EHBP1L1: variants seen among roughly 807,000 people sequenced by gnomAD.
The protein encoded by EHBP1L1 is EH domain binding protein 1 like 1.
Under a neutral mutation model 151.1 loss-of-function variants are expected in EHBP1L1, and 122 were observed. The ratio of observed to expected loss-of-function variants is 0.81; its 90% confidence interval spans 0.70 to 0.94. The LOEUF (loss-of-function observed/expected upper bound fraction) is 0.94. EHBP1L1 is among the 40% of genes least tolerant of loss of function. The pLI is 0.00. For synonymous variants in EHBP1L1, 878 were observed against 810.1 expected, an observed-to-expected ratio of 1.08 and a Z score of -1.42; for missense variants, 1,941 against 1,959.8, an observed-to-expected ratio of 0.99 and a Z score of 0.18.
At position 65,584,249 on chromosome 11, in the gene EHBP1L1, T is replaced by A; in HGVS notation, c.3102T>A (p.Pro1034=). The A allele has an allele frequency of 6.2e-7, 1 of 1,609,160 alleles. No individual in the cohort carries two copies. Among genetic ancestry groups the A allele is most frequent in the Non-Finnish European group, 8.5e-7 (1 of 1,178,394 alleles). Reference sequence around the variant, plus strand: ...CACCCCTGTGTCCTCAGGCACCACCTGCCCTGGTCAGCTCCAGCCAGTCCC... The same window carrying A: ...CACCCCTGTGTCCTCAGGCACCACCAGCCCTGGTCAGCTCCAGCCAGTCCC... ...DRRLPGSQAP[P]ALVSSSQSLL... Residue 1034 remains proline (P), a synonymous_variant, in exon 10 of 19, where the codon CCT becomes CCA. Transcript: ENST00000309295.
chr11:65,578,682 G>A (rs942051833), intron 1 of EHBP1L1, among the ~76,000 whole-genome samples: 3 of 152,304 alleles, frequency 2.0e-5, no homozygotes, highest in Middle Eastern at 3.4e-3. Context: ...TTTATCCCTC[G>A]TCTTTGTCTC....
In EHBP1L1 at chr11:65,582,915, TATTG is replaced by T. The variant is rs1476128517; in HGVS notation, c.2244_2247del (p.Ile748MetfsTer2). ...GAAGCAGAGATAGCAGAGTCTGACA[TATTG>T]GTAGCCCAGGAGATAGAGGTGGGAC... On this transcript the variant is annotated frameshift_variant, in exon 9 of 19. Coordinates refer to ENST00000309295, the MANE Select transcript of EHBP1L1 (RefSeq NM_001099409.3). LOFTEE classifies it high-confidence loss of function. 1 of 1,613,330 alleles carries T rather than the reference TATTG, an allele frequency of 6.2e-7. No individual in the cohort carries two copies. The highest frequency in any genetic ancestry group is 2.2e-5 in the East Asian group (1 of 44,874).
rs1565125205 is a variant in EHBP1L1, at chr11:65,583,075, TG to T, written c.2408del (p.Gly803ValfsTer7). On this transcript the variant is annotated frameshift_variant, in exon 9 of 19. Coordinates refer to ENST00000309295, the MANE Select transcript of EHBP1L1 (RefSeq NM_001099409.3). LOFTEE classifies it high-confidence loss of function. ...CAACAGGGATCCAGGTGAAAGAGGT[TG>T]GGGGTTCAGAGGTTCCAGAGATAGC... ...DTTGIQVKEV[G>X]GSEVPEIATG... The T allele has an allele frequency of 3.1e-6, 5 of 1,612,232 alleles. No individual in the cohort carries two copies. Among genetic ancestry groups the T allele is most frequent in the Admixed American group, 1.7e-5 (1 of 59,896 alleles).
chr11:65,590,309 C>G, intron 15 of EHBP1L1, 99 bp downstream of exon 15: 3 of 1,550,856 alleles, frequency 1.9e-6, no homozygotes, highest in South Asian at 2.4e-5. Flanking sequence ...GGAGGAGGCA[C>G]GGCTGGCATC....
At chr11:65,583,917 C>T (rs1857786389) in intron 9 of EHBP1L1, 152 bp downstream of exon 9, 1 of 1,418,026 alleles carries the variant, frequency 7.1e-7, no homozygotes, top group Non-Finnish European at 9.2e-7. Flanking sequence ...CCTCCTCTCT[C>T]AGGATGCCCT....
chr11:65,584,151 G>A, intron 9 of EHBP1L1, 90 bp from the exon 10 acceptor site: 1 of 1,540,494 alleles, frequency 6.5e-7, no homozygotes, highest in Non-Finnish European at 8.7e-7. Flanking sequence ...TCAGAGATGG[G>A]GCTGTTGTGT....
chr11:65,587,997 T>C (rs1858060962), intron 12 of EHBP1L1, among the ~76,000 whole-genome samples: 1 of 152,284 alleles, frequency 6.6e-6, no homozygotes, highest in South Asian at 2.1e-4. Flanking sequence ...CTTGACTGTA[T>C]TTTTTGGGCC....
chr11:65,578,970 G>A (rs2135230460), intron 1 of EHBP1L1, 108 bp from the exon 2 acceptor site: 1 of 1,125,632 alleles, frequency 8.9e-7, no homozygotes. Flanking sequence ...GAGGTGGGCA[G>A]AAGGAAGACC....
Position 65,580,931 on chromosome 11 carries a change from G to A in EHBP1L1, c.635-127G>A, listed in dbSNP as rs780704288. The A allele has an allele frequency of 4.3e-5, 63 of 1,448,916 alleles. No homozygotes were observed. In the East Asian group the frequency reaches 7.1e-4, roughly 16 times the overall value. 89.8% of individuals were successfully genotyped at this position (1,448,916 alleles called of 1,614,324 possible). A position where few individuals can be genotyped will look rare whatever the true frequency, so the allele number is the denominator to read the frequency against. On this transcript the variant is annotated intron_variant, in intron 6 of 18. Transcript: ENST00000309295. The stretch of plus-strand genomic sequence containing the variant: ...GTGGGCCTGTCTCTTCTCGCAGGCC[G>A]GGGCGGTGCCCTGAGGCCAGGGCGT...
At chr11:65,587,873 C>G (rs923059665) in intron 12 of EHBP1L1, among the ~76,000 whole-genome samples, 1 of 152,176 alleles carries the variant, frequency 6.6e-6, no homozygotes, top group African/African-American at 2.4e-5. Context: ...GGGTCGTGGT[C>G]CCTGCCTCAC....
chr11:65,581,497 G>A (rs746491869), intron 8 of EHBP1L1, 42 bp from the exon 9 acceptor site: 12 of 1,432,226 alleles, frequency 8.4e-6, no homozygotes, highest in Non-Finnish European at 1.0e-5. Context: ...GAGAGTTGGG[G>A]CCAAAGCAGC....
At position 65,590,025 on chromosome 11, in the gene EHBP1L1, G is replaced by A. The variant is rs1442441806; in HGVS notation, c.4059+34G>A. ...GGCTAAGTGGGAGGAGCTGATGGGT[G>A]AGCACCACCTATTCAGGGCCTGGGC... On this transcript the variant is annotated intron_variant, in intron 14 of 18. Coordinates refer to ENST00000309295, the MANE Select transcript of EHBP1L1 (RefSeq NM_001099409.3). The A allele has an allele frequency of 5.0e-6, 8 of 1,609,320 alleles. No homozygotes were observed. The South Asian group carries it at 5.5e-5, about 11-fold the overall frequency.
rs765797626 is a variant in EHBP1L1, at chr11:65,576,423, CG to C, written c.104+24del. 13 of 1,553,738 alleles carry C rather than the reference CG, an allele frequency of 8.4e-6. No homozygotes were observed. In the East Asian group the frequency reaches 1.7e-4, roughly 20 times the overall value. On this transcript the variant is annotated intron_variant, in intron 1 of 18. Transcript: ENST00000309295. The stretch of plus-strand genomic sequence containing the variant: ...CAAGAAATGGTGAGTGGGAGGGAGG[CG>C]GGGGGGCTCCCCCGAACTTGCTGGG...
intron 1 of EHBP1L1, 89 bp from the exon 2 acceptor site, chr11:65,578,989 G>A: frequency 7.7e-7 from 1 of 1,305,140 alleles, no homozygotes; most frequent in Non-Finnish European, 1.1e-6. Context: ...CCCTGAGGGA[G>A]CTGGGGGAGG....
intron 1 of EHBP1L1, among the ~76,000 whole-genome samples, chr11:65,576,884 C>T (rs1178536391): frequency 3.9e-5 from 6 of 152,162 alleles, no homozygotes; most frequent in African/African-American, 7.2e-5. Context: ...CTCCAACTCC[C>T]GCCTCTTCAG....
chr11:65,592,172 C>T (rs1858362893), intron 18 of EHBP1L1, 31 bp from the exon 19 acceptor site: 7 of 1,598,602 alleles, frequency 4.4e-6, no homozygotes, highest in Non-Finnish European at 6.0e-6. Flanking sequence ...CCCCGCCCAA[C>T]GGAGCGCTGA....
chr11:65,584,217 C>G, intron 9 of EHBP1L1, 24 bp from the exon 10 acceptor site: 1 of 1,600,844 alleles, frequency 6.2e-7, no homozygotes, highest in Non-Finnish European at 8.5e-7. Flanking sequence ...TATACATTCC[C>G]TAAGCCCACC....
chr11:65,583,895 G>A (rs981468665), intron 9 of EHBP1L1, 130 bp downstream of exon 9: 11 of 1,421,186 alleles, frequency 7.7e-6, no homozygotes, highest in African/African-American at 7.2e-5. Flanking sequence ...GCTTGAAGGA[G>A]CCCCCTCATC....
rs1327320667 is a variant in EHBP1L1 at position 65,585,615 on chromosome 11, T to C, written c.3933+24T>C. The stretch of plus-strand genomic sequence containing the variant: ...CAGTGAGTGTCAAGGTCCTTCTTTC[T>C]TCCCCCGCCGCAGCGCGGGGTCCCG... On this transcript the variant is annotated intron_variant, in intron 12 of 18. Transcript: ENST00000309295. The surrounding 1 kb of genome is among the most constrained non-coding windows in gnomAD (Gnocchi z 4.0). 1 of 1,544,864 alleles carries C rather than the reference T, an allele frequency of 6.5e-7. No individual in the cohort carries two copies.
Sources: gnomAD v4.1 joint callset for allele counts (sites outside exome capture counted in the v4.1 genomes callset) on GRCh38, gnomAD v4.1.1 for gene constraint, Gnocchi (gnomAD v3.1) non-coding constraint, MANE v1.5 for transcripts, NCBI Gene and HGNC (gene_info 2026-07-23, HGNC 2026-07-21) for gene names.